The following BZW1 variants were observed in gnomAD, a reference collection of about 807,000 sequenced individuals.
BZW1 encodes the protein basic leucine zipper and W2 domains 1, also known as eIF5-mimic protein 2.
BZW1 carries 3 observed loss-of-function variants against 54.1 expected under a neutral mutation model. The observed-to-expected ratio is 0.06, with a 90% confidence interval of 0.03 to 0.14. The LOEUF is 0.14. Among genes scored for constraint, BZW1 ranks in the 10% least tolerant of loss-of-function variants. The pLI is 1.00. For synonymous variants in BZW1, 152 were observed against 162.7 expected (o/e 0.93, Z 0.50); for missense variants, 206 against 491.7 (o/e 0.42, Z 5.50).
At chr2:200,819,479 C>A (rs1006208480) in intron 9 of BZW1, among the ~76,000 whole-genome samples, 1 of 152,014 alleles carries the variant, frequency 6.6e-6, no homozygotes, top group Non-Finnish European at 1.5e-5. Flanking sequence ...TTTTCCCCCC[C>A]TCTAAAATAC....
upstream of BZW1, chr2:200,811,631 C>A (rs2038063399): frequency 6.6e-6 from 1 of 152,226 alleles, no homozygotes; most frequent in African/African-American, 2.4e-5. Context: ...GCCGGCTCCG[C>A]TCTTCCAACC....
intron 5 of BZW1, 82 bp downstream of exon 5, chr2:200,816,472 T>A: frequency 9.5e-7 from 1 of 1,048,130 alleles, no homozygotes; most frequent in Non-Finnish European, 1.3e-6. Flanking sequence ...CGCCACAGAT[T>A]TGGAGTAATT....
At chr2:200,816,282 A>G in intron 4 of BZW1, 43 bp from the exon 5 acceptor site, 3 of 1,432,906 alleles carry the variant, frequency 2.1e-6, no homozygotes, top group East Asian at 2.3e-5. Flanking sequence ...TTGCTATTCT[A>G]GAAATATATG....
intron 8 of BZW1, 55 bp downstream of exon 8, chr2:200,818,448 T>C: frequency 6.4e-7 from 1 of 1,558,246 alleles, no homozygotes. Flanking sequence ...ATAGAGATTT[T>C]CACTAATTTG....
chr2:200,818,540 G>C (rs1165234546), intron 8 of BZW1, 147 bp downstream of exon 8: 1 of 1,110,768 alleles, frequency 9.0e-7, no homozygotes, highest in African/African-American at 1.6e-5. Flanking sequence ...TTTTGCATAT[G>C]CTTCTTCAGT....
chr2:200,816,929 G>A (rs949641740), intron 5 of BZW1, among the ~76,000 whole-genome samples, 177 bp from the exon 6 acceptor site: 7 of 152,170 alleles, frequency 4.6e-5, no homozygotes, highest in African/African-American at 1.2e-4. Flanking sequence ...GAGGTGCAGA[G>A]GTTAAGTAAC....
Position 200,826,068 on chromosome 2 carries a change from G to C in BZW1, c.*3890G>C, listed in dbSNP as rs1010857528. On this transcript the variant is annotated 3_prime_UTR_variant, in exon 12 of 12. Transcript: ENST00000409600. ...GAATAAAAAGGTTTTCAGTGGACTT[G>C]ATTTAAGTGGAATCTGGATGATGTG... is the stretch of plus-strand genomic sequence containing the variant. 5.3e-5 allele frequency: 8 copies of C among 151,996 alleles called. No individual in the cohort carries two copies. Among genetic ancestry groups the C allele is most frequent in the African/African-American group, 1.9e-4 (8 of 41,266 alleles). The allele number at this position is 151,996 out of a possible 1,614,324, so 9.4% of individuals were successfully genotyped here.
At chr2:200,812,101 C>T (rs1036791992) in intron 1 of BZW1, 111 bp downstream of exon 1, 3 of 641,934 alleles carry the variant, frequency 4.7e-6, no homozygotes, top group Non-Finnish European at 6.6e-6. Context: ...TGGGCCCGAA[C>T]GGAGGTCGCC....
rs1209772421 is a variant in BZW1 at position 200,825,170 on chromosome 2, T to G, written c.*2992T>G. On this transcript the variant is annotated 3_prime_UTR_variant, in exon 12 of 12. Transcript: ENST00000409600. ...ATCTCTGCCTCCTGGGTTCAAGCGA[T>G]TCTCTTGCTTCAGCCTCCTGAGTAG... 1.3e-5 allele frequency: 2 copies of G among 152,318 alleles called. No individual in the cohort carries two copies. Among genetic ancestry groups the G allele is most frequent in the Non-Finnish European group, 2.9e-5 (2 of 68,168 alleles). The allele number at this position is 152,318 out of a possible 1,614,324, so 9.4% of individuals were successfully genotyped here. A position where few individuals can be genotyped will look rare whatever the true frequency, so the allele number is the denominator to read the frequency against.
Position 200,821,169 on chromosome 2 carries a change from A to C in BZW1, c.1106-14A>C. On this transcript the variant is annotated splice_polypyrimidine_tract_variant and intron_variant, in intron 10 of 11. Transcript: ENST00000409600. Reference sequence around the variant, plus strand: ...ATATTAAAACTCCCTTAATGCAATGAGTTTTCTTTCCAGCTGAAGTCCTGA... The same window carrying C: ...ATATTAAAACTCCCTTAATGCAATGCGTTTTCTTTCCAGCTGAAGTCCTGA... 1 of 1,611,182 alleles carries C rather than the reference A, an allele frequency of 6.2e-7. No homozygotes were observed. Among genetic ancestry groups the C allele is most frequent in the Non-Finnish European group, 8.5e-7 (1 of 1,179,436 alleles).
At chr2:200,818,613 CTCT>C in intron 8 of BZW1, 139 bp from the exon 9 acceptor site, 2 of 1,075,190 alleles carry the variant, frequency 1.9e-6, no homozygotes, top group South Asian at 1.7e-5. Context: ...TTGTAAAGGT[CTCT>C]TTTTATATGT....
rs2038556385 is a variant in BZW1 at position 200,822,256 on chromosome 2, A to G, written c.*78A>G. On this transcript the variant is annotated 3_prime_UTR_variant, in exon 12 of 12. Coordinates refer to ENST00000409600, the MANE Select transcript of BZW1 (RefSeq NM_001207067.2). ...ATGTCTCATGTGTCCTGGTTCTTAC[A>G]TCTTCCTACCTCCCTGTATCAAGCA... The G allele has an allele frequency of 2.4e-6, 3 of 1,259,158 alleles. No homozygotes were observed. In the Admixed American group the frequency reaches 6.0e-5, roughly 25 times the overall value. The allele number at this position is 1,259,158 out of a possible 1,614,324, so 78.0% of individuals were successfully genotyped here. A position where few individuals can be genotyped will look rare whatever the true frequency, so the allele number is the denominator to read the frequency against.
chr2:200,826,029 G>T lies in BZW1; in HGVS notation c.*3851G>T, dbSNP rs1016285759. 1 of 152,124 alleles carries T rather than the reference G, an allele frequency of 6.6e-6. No homozygotes were observed. The highest frequency in any genetic ancestry group is 1.5e-5 in the Non-Finnish European group (1 of 68,010). 9.4% of individuals were successfully genotyped at this position (152,124 alleles called of 1,614,324 possible). A position where few individuals can be genotyped will look rare whatever the true frequency, so the allele number is the denominator to read the frequency against. On this transcript the variant is annotated 3_prime_UTR_variant, in exon 12 of 12. Transcript: ENST00000409600. ...ATTCCCCAGCCTACTAAGGCCTACA[G>T]GTTAAAATACCAGGAATAAAAAGGT... is the stretch of plus-strand genomic sequence containing the variant.
chr2:200,818,102 T>C lies in BZW1; in HGVS notation c.648+19T>C. On this transcript the variant is annotated intron_variant, in intron 7 of 11. Coordinates refer to ENST00000409600, the MANE Select transcript of BZW1 (RefSeq NM_001207067.2). ...ACTGATGGTTGGTAACTTTTTTTCA[T>C]TCTTCCCATTCTTGCCAAGGATGTA... 6.5e-7 allele frequency: 1 copy of C among 1,535,458 alleles called. No individual in the cohort carries two copies. Among genetic ancestry groups the C allele is most frequent in the Non-Finnish European group, 8.8e-7 (1 of 1,136,480 alleles).
At chr2:200,819,448 G>A (rs2038421965) in intron 9 of BZW1, among the ~76,000 whole-genome samples, 4 of 152,018 alleles carry the variant, frequency 2.6e-5, no homozygotes, top group Admixed American at 2.6e-4. Flanking sequence ...GCTTTTGAAG[G>A]GGGTATTGGA....
chr2:200,812,460 G>C, intron 1 of BZW1: 1 of 1,337,156 alleles, frequency 7.5e-7, no homozygotes, highest in Admixed American at 3.3e-5. Flanking sequence ...ACTGTGGTCC[G>C]CTCGTTGCGG....
In BZW1 at chr2:200,823,637, G is replaced by C. The variant is rs940484589; in HGVS notation, c.*1459G>C. On this transcript the variant is annotated 3_prime_UTR_variant, in exon 12 of 12. Coordinates refer to ENST00000409600, the MANE Select transcript of BZW1 (RefSeq NM_001207067.2). ...AACATGTAATATAATTTGAAATAAAGGTATAGTAACCTTAAAAAGAACATT... is the reference window on the plus strand; with the variant it reads ...AACATGTAATATAATTTGAAATAAACGTATAGTAACCTTAAAAAGAACATT... 6.6e-6 allele frequency: 1 copy of C among 152,364 alleles called. No homozygotes were observed. The highest frequency in any genetic ancestry group is 1.5e-5 in the Non-Finnish European group (1 of 67,986). 9.4% of individuals were successfully genotyped at this position (152,364 alleles called of 1,614,324 possible).
intron 11 of BZW1, 37 bp from the exon 12 acceptor site, chr2:200,822,110 A>T (rs1446740054): frequency 6.3e-7 from 1 of 1,574,896 alleles, no homozygotes; most frequent in Non-Finnish European, 8.7e-7. Context: ...TTGCCTTCTG[A>T]TACATAATGT....
At position 200,815,380 on chromosome 2, in the gene BZW1, G is replaced by A. The variant is rs754415074; in HGVS notation, c.104G>A (p.Cys35Tyr). 1.2e-6 allele frequency: 2 copies of A among 1,613,816 alleles called. No individual in the cohort carries two copies. Among genetic ancestry groups the A allele is most frequent in the African/African-American group, 1.3e-5 (1 of 74,910 alleles). The change falls in exon 3 of 12, where the codon TGT becomes TAT. Residue 35 changes from cysteine to tyrosine, a missense_variant. Around this residue, in one of 5 missense-constraint regions of BZW1, gnomAD observed 26 missense variants for 26.9 expected, o/e 0.97. Coordinates refer to ENST00000409600, the MANE Select transcript of BZW1 (RefSeq NM_001207067.2). Reference sequence around the variant, plus strand: ...TTTGACCCTACTCAGTTTCAAGACTGTATTATTCAAGGCTTAACTGAAACC... The same window carrying A: ...TTTGACCCTACTCAGTTTCAAGACTATATTATTCAAGGCTTAACTGAAACC... The part of the protein sequence containing the change: ...ERFDPTQFQD[C>Y]IIQGLTETGT...
Sources: gnomAD v4.1 joint callset for allele counts (sites outside exome capture counted in the v4.1 genomes callset) on GRCh38, gnomAD v4.1.1 for gene constraint, gnomAD v4.1.1 regional missense constraint, MANE v1.5 for transcripts, NCBI Gene and HGNC (gene_info 2026-07-23, HGNC 2026-07-21) for gene names.